The following RAB12 variants were observed in gnomAD, a reference collection of about 807,000 sequenced individuals.
The protein encoded by RAB12 is RAB12, member RAS oncogene family, also known as ras-related protein Rab-12.
Under a neutral mutation model 28.4 loss-of-function variants are expected in RAB12, and 11 were observed. The ratio of observed to expected loss-of-function variants is 0.39; its 90% CI spans 0.24 to 0.64. RAB12 has a LOEUF of 0.64. RAB12 is among the 30% of genes least tolerant of loss of function. RAB12 has a pLI of 0.50. For missense variants in RAB12, 276 were observed against 351.1 expected, an observed-to-expected ratio of 0.79 and a Z score of 1.71; for synonymous variants, 138 against 145.3, an observed-to-expected ratio of 0.95 and a Z score of 0.36.
Position 8,636,511 on chromosome 18 carries a change from C to T in RAB12, c.909+154C>T, listed in dbSNP as rs116386570. Among the ~76,000 whole-genome samples, 668 of 152,320 alleles carry T rather than the reference C, an allele frequency of 4.4e-3. 2 individuals carry two copies. Among genetic ancestry groups the T allele is most frequent in the African/African-American group, 0.015 (617 of 41,562 alleles). Reference sequence around the variant, plus strand: ...GTATGGTTGTTAACTCAGCCACAGGCACCCGGCCTGCTGTAGCCGTTTCCC... The same window carrying T: ...GTATGGTTGTTAACTCAGCCACAGGTACCCGGCCTGCTGTAGCCGTTTCCC... On this transcript the variant is annotated intron_variant, in intron 5 of 5. Coordinates refer to ENST00000649141, the MANE Select transcript of RAB12 (RefSeq NM_001025300.3).
chr18:8,618,056 G>C (rs904873372), intron 1 of RAB12, among the ~76,000 whole-genome samples: 1 of 152,152 alleles, frequency 6.6e-6, no homozygotes. Context: ...GAGAGGAACT[G>C]TCCACTCACT....
At chr18:8,619,320 G>A (rs2096008483) in intron 1 of RAB12, among the ~76,000 whole-genome samples, 1 of 152,240 alleles carries the variant, frequency 6.6e-6, no homozygotes, top group South Asian at 2.1e-4. Flanking sequence ...GGAAAGGAGT[G>A]TAAAGAAAGA....
intron 3 of RAB12, among the ~76,000 whole-genome samples, chr18:8,633,601 C>G (rs2096017181): frequency 6.6e-6 from 1 of 152,156 alleles, no homozygotes; most frequent in East Asian, 1.9e-4. Flanking sequence ...CATCCAGCTG[C>G]TTTCATGGAA....
At chr18:8,621,046 G>C (rs753289113) in intron 1 of RAB12, among the ~76,000 whole-genome samples, 1 of 152,214 alleles carries the variant, frequency 6.6e-6, no homozygotes, top group East Asian at 1.9e-4. Context: ...AGTGGTGGGG[G>C]CTCGTTGCTT....
At chr18:8,635,730 C>T (rs769293679) in intron 4 of RAB12, 108 bp downstream of exon 4, 10 of 669,822 alleles carry the variant, frequency 1.5e-5, no homozygotes, top group Non-Finnish European at 2.2e-5. Flanking sequence ...ATTATCAATA[C>T]AGTGATAACT....
chr18:8,635,250 T>C, intron 3 of RAB12: 1 of 219,142 alleles, frequency 4.6e-6, no homozygotes, highest in Non-Finnish European at 8.9e-6. Context: ...GAGCTTTGCC[T>C]GTATGTTGAA....
intron 1 of RAB12, among the ~76,000 whole-genome samples, chr18:8,616,402 T>C (rs2148706583): frequency 6.8e-6 from 1 of 146,254 alleles, no homozygotes; most frequent in African/African-American, 2.5e-5. Context: ...AAAAAAAAAC[T>C]TGTGAAACTG....
At chr18:8,623,971 ACTGCAGCAC>A (rs1255840564) in intron 1 of RAB12, among the ~76,000 whole-genome samples, 1 of 152,248 alleles carries the variant, frequency 6.6e-6, no homozygotes, top group East Asian at 1.9e-4. Context: ...GCCTCATCTG[ACTGCAGCAC>A]CTCATTGGTG....
intron 3 of RAB12, among the ~76,000 whole-genome samples, chr18:8,633,768 T>C (rs778543581): frequency 6.6e-6 from 1 of 152,174 alleles, no homozygotes; most frequent in African/African-American, 2.4e-5. Flanking sequence ...CTCGCAATTA[T>C]AGATGCCCTT....
chr18:8,615,347 C>T (rs2096006172), intron 1 of RAB12, among the ~76,000 whole-genome samples: 1 of 152,156 alleles, frequency 6.6e-6, no homozygotes, highest in South Asian at 2.1e-4. Context: ...TGTTAGAAAA[C>T]CCAGAATGAG....
At chr18:8,611,461 A>T (rs1177688963) in intron 1 of RAB12, among the ~76,000 whole-genome samples, 1 of 152,094 alleles carries the variant, frequency 6.6e-6, no homozygotes, top group Non-Finnish European at 1.5e-5. Context: ...GGATGAGCAA[A>T]GGTGTGCTTT....
At chr18:8,631,720 A>C (rs981211915) in intron 2 of RAB12, among the ~76,000 whole-genome samples, 1 of 152,250 alleles carries the variant, frequency 6.6e-6, no homozygotes, top group Non-Finnish European at 1.5e-5. Context: ...GTGCACATCT[A>C]TAATTTAGAG....
Position 8,613,205 on chromosome 18 carries a change from A to G in RAB12, c.514+3252A>G, listed in dbSNP as rs1460479345. Among the ~76,000 whole-genome samples, 4 of 152,378 alleles carry G rather than the reference A, an allele frequency of 2.6e-5. 1 individual carries two copies. The highest frequency in any genetic ancestry group is 7.2e-5 in the African/African-American group (3 of 41,592). The stretch of plus-strand genomic sequence containing the variant: ...GGAAATTGTCTAATGGAATTGTCTC[A>G]TATTTTCAAATGGGATTTTGTTTTC... On this transcript the variant is annotated intron_variant, in intron 1 of 5. Transcript: ENST00000649141.
Position 8,638,452 on chromosome 18 carries a change from A to G in RAB12, c.*190A>G, listed in dbSNP as rs1382437547. 4 of 556,958 alleles carry G rather than the reference A, an allele frequency of 7.2e-6. No individual in the cohort carries two copies. Among genetic ancestry groups the G allele is most frequent in the Non-Finnish European group, 1.3e-5 (4 of 310,758 alleles). The allele number at this position is 556,958 out of a possible 1,614,324, so 34.5% of individuals were successfully genotyped here. A position where few individuals can be genotyped will look rare whatever the true frequency, so the allele number is the denominator to read the frequency against. ...GTTATAAGTTACCTATTTCCCTCCA[A>G]ATTATTATATTTCATTCATTACCCC... On this transcript the variant is annotated 3_prime_UTR_variant, in exon 6 of 6. Transcript: ENST00000649141.
At chr18:8,623,093 G>C (rs1250714942) in intron 1 of RAB12, among the ~76,000 whole-genome samples, 1 of 152,072 alleles carries the variant, frequency 6.6e-6, no homozygotes, top group Non-Finnish European at 1.5e-5. Context: ...ATTATCACAT[G>C]GTCCTGAGGC....
rs570055981 is a variant in RAB12 at position 8,610,237 on chromosome 18, G to C, written c.514+284G>C. ...GGGGCGGCTCTCCACGGAAACTTCG[G>C]CCCTTAGCATACTCGCCCAAGAAAA... On this transcript the variant is annotated intron_variant, in intron 1 of 5. Coordinates refer to ENST00000649141, the MANE Select transcript of RAB12 (RefSeq NM_001025300.3). Among the ~76,000 whole-genome samples the C allele has an allele frequency of 2.0e-5, 3 of 152,324 alleles. No homozygotes were observed. The East Asian group carries it at 5.8e-4, about 30-fold the overall frequency.
intron 1 of RAB12, among the ~76,000 whole-genome samples, chr18:8,621,807 CCTTCTT>C (rs2096010033): frequency 8.7e-6 from 1 of 114,714 alleles, no homozygotes. Context: ...GTGTCTGTTC[CCTTCTT>C]TTTGTCTGAG....
chr18:8,635,457 G>A (rs1346204470), intron 3 of RAB12, 76 bp from the exon 4 acceptor site: 25 of 1,061,266 alleles, frequency 2.4e-5, no homozygotes, highest in Non-Finnish European at 2.5e-5. Context: ...GAAAAATACT[G>A]TATCGGTTTA....
rs189697693 is a variant in RAB12 at position 8,638,190 on chromosome 18, C to T, written c.951C>T (p.Ile317=). Residue 317 remains isoleucine, a synonymous_variant, in exon 6 of 6, where the codon ATC becomes ATT. Coordinates refer to ENST00000649141, the MANE Select transcript of RAB12 (RefSeq NM_001025300.3). ...DILRNELSNS[I]LSLQPEPEIP... ...TAAGGAATGAGTTGTCCAATAGTAT[C>T]CTGTCGTTACAACCAGAGCCTGAGA... is the stretch of plus-strand genomic sequence containing the variant. 17 of 1,613,710 alleles carry T rather than the reference C, an allele frequency of 1.1e-5. No homozygotes were observed. The Admixed American group carries it at 2.0e-4, about 19-fold the overall frequency.
Sources: gnomAD v4.1 joint callset for allele counts (sites outside exome capture counted in the v4.1 genomes callset) on GRCh38, gnomAD v4.1.1 for gene constraint, MANE v1.5 for transcripts, NCBI Gene and HGNC (gene_info 2026-07-23, HGNC 2026-07-21) for gene names.